AFG2A: variants seen among roughly 807,000 people sequenced by gnomAD.
AFG2A encodes AAA ATPase AFG2A.
At chr4:123,155,918 C>T in the AFG2A span, among the ~76,000 whole-genome samples, 5 of 152,008 alleles carry the variant, frequency 3.3e-5, no homozygotes, top group South Asian at 8.3e-4. Context: ...TGTATTAGTC[C>T]GTTCTTGCAC....
At chr4:123,239,281 TC>T in the AFG2A span, among the ~76,000 whole-genome samples, 2 of 151,986 alleles carry the variant, frequency 1.3e-5, no homozygotes, top group Non-Finnish European at 2.9e-5. Flanking sequence ...CAGGAGAACT[TC>T]CCCAACATAG....
chr4:123,134,342 C>T, the AFG2A span, among the ~76,000 whole-genome samples: 1 of 152,154 alleles, frequency 6.6e-6, no homozygotes, highest in African/African-American at 2.4e-5. Context: ...TGCTCGTCAT[C>T]ACTTATTGTA....
chr4:123,037,582 T>C, the AFG2A span, among the ~76,000 whole-genome samples: 1 of 151,748 alleles, frequency 6.6e-6, no homozygotes, highest in African/African-American at 2.4e-5. Context: ...ACCTAAACTC[T>C]GTAGTTAGAT....
chr4:122,966,035 G>A, the AFG2A span, among the ~76,000 whole-genome samples: 1 of 152,128 alleles, frequency 6.6e-6, no homozygotes, highest in Admixed American at 6.5e-5. Context: ...GAGCCATGGA[G>A]GATTGGTTGC....
the AFG2A span, among the ~76,000 whole-genome samples, chr4:122,973,062 T>G: frequency 6.6e-6 from 1 of 152,168 alleles, no homozygotes; most frequent in African/African-American, 2.4e-5. Flanking sequence ...TGTTTACTTT[T>G]GTTTTATGTA....
At chr4:122,941,216 C>A in the AFG2A span, among the ~76,000 whole-genome samples, 1 of 151,600 alleles carries the variant, frequency 6.6e-6, no homozygotes, top group African/African-American at 2.4e-5. Context: ...CTATAAATTA[C>A]CTTGGGCAGT....
chr4:123,001,891 G>A, the AFG2A span, among the ~76,000 whole-genome samples: 1 of 152,136 alleles, frequency 6.6e-6, no homozygotes, highest in African/African-American at 2.4e-5. Context: ...TCTGTCTAAT[G>A]TTGACAGTGG....
At chr4:122,966,360 A>T in the AFG2A span, among the ~76,000 whole-genome samples, 8 of 152,206 alleles carry the variant, frequency 5.3e-5, no homozygotes, top group Non-Finnish European at 8.8e-5. Flanking sequence ...CTACAAACGA[A>T]GTAATAGAGT....
the AFG2A span, among the ~76,000 whole-genome samples, chr4:123,047,823 C>T: frequency 6.6e-6 from 1 of 151,972 alleles, no homozygotes; most frequent in African/African-American, 2.4e-5. Flanking sequence ...CTTTCTTAGC[C>T]TCCTGAGCAG....
At chr4:123,037,839 T>C in the AFG2A span, among the ~76,000 whole-genome samples, 1 of 152,110 alleles carries the variant, frequency 6.6e-6, no homozygotes, top group Non-Finnish European at 1.5e-5. Context: ...GGACATTTCA[T>C]TTCTCTTTTA....
At chr4:122,924,600 G>A in the AFG2A span, among the ~76,000 whole-genome samples, 1 of 152,060 alleles carries the variant, frequency 6.6e-6, no homozygotes, top group African/African-American at 2.4e-5. Context: ...GTTGAAGTTC[G>A]TCAATTCTTA....
At chr4:123,036,043 T>C in the AFG2A span, among the ~76,000 whole-genome samples, 1 of 152,198 alleles carries the variant, frequency 6.6e-6, no homozygotes, top group East Asian at 1.9e-4. Context: ...GAAATAAATA[T>C]TACAATGTCA....
At chr4:123,316,603 A>G in the AFG2A span, 1 of 152,230 alleles carries the variant, frequency 6.6e-6, no homozygotes, top group Non-Finnish European at 1.5e-5. Flanking sequence ...CTTATCCTTC[A>G]GGGCCTAAAC....
chr4:123,283,778 G>A, the AFG2A span, among the ~76,000 whole-genome samples: 6 of 152,098 alleles, frequency 3.9e-5, no homozygotes, highest in South Asian at 6.2e-4. Context: ...ATTCATTTAC[G>A]TATTGCCCAT....
At chr4:122,964,458 C>T in the AFG2A span, among the ~76,000 whole-genome samples, 1 of 148,442 alleles carries the variant, frequency 6.7e-6, no homozygotes, top group Non-Finnish European at 1.5e-5. Flanking sequence ...CAGCCAAAAT[C>T]ATGGCACTGC....
the AFG2A span, among the ~76,000 whole-genome samples, chr4:122,992,777 G>A: frequency 0.012 from 1,835 of 152,246 alleles, 41 homozygotes; most frequent in African/African-American, 0.041. Context: ...TTACTTAAAT[G>A]TAATGTTTCC....
the AFG2A span, among the ~76,000 whole-genome samples, chr4:123,290,470 C>T: frequency 6.6e-6 from 1 of 152,074 alleles, no homozygotes; most frequent in Non-Finnish European, 1.5e-5. Context: ...CTCCAGTGTA[C>T]GTTTTTGTCA....
the AFG2A span, among the ~76,000 whole-genome samples, chr4:123,119,773 C>A: frequency 6.6e-6 from 1 of 152,080 alleles, no homozygotes; most frequent in Non-Finnish European, 1.5e-5. Context: ...TCCATTCTCA[C>A]ATTGCTAATA....
chr4:123,065,841 G>T, the AFG2A span, among the ~76,000 whole-genome samples: 4 of 152,194 alleles, frequency 2.6e-5, no homozygotes, highest in African/African-American at 9.6e-5. Context: ...AGATATAGGA[G>T]AAAATTTTGT....
Sources: gnomAD v4.1 joint callset for allele counts (sites outside exome capture counted in the v4.1 genomes callset) on GRCh38, gnomAD v4.1.1 for gene constraint, MANE v1.5 for transcripts, NCBI Gene and HGNC (gene_info 2026-07-23, HGNC 2026-07-21) for gene names.